Variants in DCP1A observed in about 807,000 individuals in gnomAD.
DCP1A encodes the protein decapping mRNA 1A.
Under a neutral mutation model 58.0 loss-of-function variants are expected in DCP1A, and 20 were observed. The observed-to-expected ratio is 0.34, with a 90% CI of 0.24 to 0.50. The LOEUF (loss-of-function observed/expected upper bound fraction) is 0.50. DCP1A is among the 20% of genes least tolerant of loss of function. The pLI is 0.98. For synonymous variants in DCP1A, 285 were observed against 275.1 expected (o/e 1.04, Z -0.36); for missense variants, 613 against 712.2 (o/e 0.86, Z 1.59).
intron 5 of DCP1A, among the ~76,000 whole-genome samples, chr3:53,304,964 G>A (rs1707426062): frequency 6.6e-6 from 1 of 151,998 alleles, no homozygotes; most frequent in South Asian, 2.1e-4. Flanking sequence ...GTCCCTATCA[G>A]CATAATCAGG....
At chr3:53,346,026 T>C (rs9812118) in intron 1 of DCP1A, among the ~76,000 whole-genome samples, 44,625 of 152,092 alleles carry the variant, frequency 0.29, 7,548 homozygotes, top group Admixed American at 0.39. Context: ...GTATTTCATA[T>C]TTAAAACAGA....
At chr3:53,346,812 T>G (rs1265914195) in intron 1 of DCP1A, among the ~76,000 whole-genome samples, 1 of 152,166 alleles carries the variant, frequency 6.6e-6, no homozygotes, top group Non-Finnish European at 1.5e-5. Flanking sequence ...TTTTCCTAAG[T>G]GCCTTGGAAT....
chr3:53,299,515 G>A (rs535800196), intron 6 of DCP1A, among the ~76,000 whole-genome samples: 84 of 152,328 alleles, frequency 5.5e-4, no homozygotes, highest in Admixed American at 8.5e-4. Context: ...GAGAATTGAT[G>A]TTTAGAGAAT....
chr3:53,312,000 G>C (rs1426852927), intron 5 of DCP1A, among the ~76,000 whole-genome samples: 1 of 151,490 alleles, frequency 6.6e-6, no homozygotes, highest in Non-Finnish European at 1.5e-5. Flanking sequence ...GCCCAGACTA[G>C]AGTGGAGTGG....
chr3:53,288,746 G>A (rs1706741245), intron 8 of DCP1A, among the ~76,000 whole-genome samples: 1 of 152,118 alleles, frequency 6.6e-6, no homozygotes, highest in South Asian at 2.1e-4. Flanking sequence ...TTAAAAATCT[G>A]CATGTTTTGG....
intron 5 of DCP1A, among the ~76,000 whole-genome samples, chr3:53,305,467 A>G (rs1707442740): frequency 6.6e-6 from 1 of 151,562 alleles, no homozygotes; most frequent in Non-Finnish European, 1.5e-5. Context: ...CTCTTGCCTC[A>G]GCCTCCTGAG....
intron 5 of DCP1A, among the ~76,000 whole-genome samples, chr3:53,311,765 G>C (rs1707650229): frequency 6.6e-6 from 1 of 152,154 alleles, no homozygotes; most frequent in African/African-American, 2.4e-5. Flanking sequence ...TGGTGAAGAA[G>C]AGGCACGAAG....
At chr3:53,320,881 T>C (rs956781466) in intron 3 of DCP1A, among the ~76,000 whole-genome samples, 12 of 152,392 alleles carry the variant, frequency 7.9e-5, no homozygotes, top group African/African-American at 1.9e-4. Flanking sequence ...ACAGAAGTCA[T>C]AGAAGACTGC....
At chr3:53,328,303 T>C (rs1485852520) in intron 3 of DCP1A, among the ~76,000 whole-genome samples, 2 of 152,148 alleles carry the variant, frequency 1.3e-5, no homozygotes, top group Non-Finnish European at 2.9e-5. Context: ...GTTTCAATTT[T>C]TACCTACACA....
chr3:53,290,052 A>T (rs1030994083), intron 8 of DCP1A, among the ~76,000 whole-genome samples: 6 of 152,356 alleles, frequency 3.9e-5, no homozygotes, highest in African/African-American at 1.4e-4. Flanking sequence ...TCCAAGATGT[A>T]AGACCAGTCA....
chr3:53,313,919 G>A (rs1318342603), intron 4 of DCP1A, among the ~76,000 whole-genome samples: 2 of 152,020 alleles, frequency 1.3e-5, no homozygotes, highest in African/African-American at 4.8e-5. Flanking sequence ...TATTTTTGTA[G>A]AGATGGAGTT....
intron 3 of DCP1A, among the ~76,000 whole-genome samples, chr3:53,323,366 G>C (rs782019556): frequency 6.6e-6 from 1 of 152,188 alleles, no homozygotes; most frequent in Non-Finnish European, 1.5e-5. Flanking sequence ...AGCGGCTAAG[G>C]CTTGCTCTAA....
chr3:53,326,841 T>G (rs1275003195), intron 3 of DCP1A, among the ~76,000 whole-genome samples: 1 of 152,200 alleles, frequency 6.6e-6, no homozygotes, highest in African/African-American at 2.4e-5. Context: ...GTAATGTGTT[T>G]GAATCATCCT....
At chr3:53,302,199 C>T (rs971294806) in intron 6 of DCP1A, among the ~76,000 whole-genome samples, 1 of 152,142 alleles carries the variant, frequency 6.6e-6, no homozygotes, top group African/African-American at 2.4e-5. Flanking sequence ...CTATATTTTG[C>T]AAAATGTTAT....
chr3:53,293,136 A>C (rs1706987671), intron 6 of DCP1A, among the ~76,000 whole-genome samples: 1 of 152,172 alleles, frequency 6.6e-6, no homozygotes, highest in Non-Finnish European at 1.5e-5. Flanking sequence ...TCAACAACAC[A>C]CAGGGAAATG....
At chr3:53,296,958 G>C (rs1363347117) in intron 6 of DCP1A, among the ~76,000 whole-genome samples, 1 of 152,170 alleles carries the variant, frequency 6.6e-6, no homozygotes, top group East Asian at 1.9e-4. Context: ...AGGAATCACC[G>C]AACTGTTTTT....
At chr3:53,293,202 C>T (rs1706990579) in intron 6 of DCP1A, among the ~76,000 whole-genome samples, 1 of 152,096 alleles carries the variant, frequency 6.6e-6, no homozygotes, top group Non-Finnish European at 1.5e-5. Flanking sequence ...CCTTTACTTT[C>T]ACTGTTCTCA....
chr3:53,317,403 G>A (rs1027914911), intron 4 of DCP1A, among the ~76,000 whole-genome samples: 3 of 152,126 alleles, frequency 2.0e-5, no homozygotes, highest in Non-Finnish European at 4.4e-5. Context: ...AATCTCAGGT[G>A]ATCTGCCCGC....
At chr3:53,291,760 C>T (rs1420033923) in intron 7 of DCP1A, among the ~76,000 whole-genome samples, 1 of 151,996 alleles carries the variant, frequency 6.6e-6, no homozygotes, top group Non-Finnish European at 1.5e-5. Context: ...AGGAGACTGC[C>T]GTGGGAGATA....
Sources: allele counts gnomAD v4.1 joint callset (sites outside exome capture counted in the v4.1 genomes callset), GRCh38; gene constraint gnomAD v4.1.1; transcripts MANE v1.5; gene names NCBI Gene and HGNC (gene_info 2026-07-23, HGNC 2026-07-21).